Variants in MPDZ observed in about 807,000 individuals in gnomAD.
The protein encoded by MPDZ is multiple PDZ domain crumbs cell polarity complex component, also known as multiple PDZ domain protein.
Under a neutral mutation model 239.1 loss-of-function variants are expected in MPDZ, and 234 were observed. That is an observed-to-expected ratio of 0.98 (90% CI 0.88 to 1.09). The LOEUF is 1.09. Among genes scored for constraint, MPDZ ranks in the 50% least tolerant of loss-of-function variants. The probability of loss-of-function intolerance (pLI) is 0.00; values close to 1 mark genes in which losing one functional copy is unlikely to be tolerated. For synonymous variants in MPDZ, 1,048 were observed against 881.3 expected (o/e 1.19, Z -3.35); for missense variants, 3,175 against 2,510.0 (o/e 1.26, Z -5.66).
At chr9:13,151,105 A>C (rs1488571431) in intron 24 of MPDZ, among the ~76,000 whole-genome samples, 1 of 152,056 alleles carries the variant, frequency 6.6e-6, no homozygotes, top group Non-Finnish European at 1.5e-5. Flanking sequence ...GTAAGATACC[A>C]TCTCACATCC....
Position 13,276,353 on chromosome 9 carries a change from A to G in MPDZ, c.-58+3047T>C, listed in dbSNP as rs548321144. 5.3e-5 allele frequency among the ~76,000 whole-genome samples: 8 copies of G among 152,310 alleles called. No homozygotes were observed. In the East Asian group the frequency reaches 1.5e-3, roughly 29 times the overall value. Reference sequence around the variant, plus strand: ...CCCACTAAAATTATTTAATCACAGTATATCAATTTTACCATGCTAAATATC... The same window carrying G: ...CCCACTAAAATTATTTAATCACAGTGTATCAATTTTACCATGCTAAATATC... On this transcript the variant is annotated intron_variant, in intron 1 of 46. Coordinates refer to ENST00000319217, the MANE Select transcript of MPDZ (RefSeq NM_001378778.1).
At chr9:13,149,776 C>A (rs150404262) in intron 25 of MPDZ, among the ~76,000 whole-genome samples, 2 of 152,136 alleles carry the variant, frequency 1.3e-5, no homozygotes, top group East Asian at 3.9e-4. Flanking sequence ...AGAGATTACA[C>A]ACAACTTGAC....
At chr9:13,230,565 C>T (rs576018234) in intron 3 of MPDZ, among the ~76,000 whole-genome samples, 6 of 152,050 alleles carry the variant, frequency 3.9e-5, no homozygotes, top group African/African-American at 1.4e-4. Flanking sequence ...ATTCTTGAAA[C>T]GACAAAATTA....
rs764925139 is a variant in MPDZ at position 13,247,625 on chromosome 9, G to C, written c.183+10C>G. The C allele has an allele frequency of 6.2e-7, 1 of 1,602,354 alleles. No homozygotes were observed. Among genetic ancestry groups the C allele is most frequent in the Non-Finnish European group, 8.5e-7 (1 of 1,171,284 alleles). Reference sequence around the variant, plus strand: ...GTCGTGAATGCCTGCTTGGGTGAATGATGTCCTACCTGGTCTTTCAGCTGC... The same window carrying C: ...GTCGTGAATGCCTGCTTGGGTGAATCATGTCCTACCTGGTCTTTCAGCTGC... On this transcript the variant is annotated intron_variant, in intron 3 of 46. Transcript: ENST00000319217.
chr9:13,126,757 C>T lies in MPDZ; in HGVS notation c.4480G>A (p.Gly1494Ser), dbSNP rs750132506. 14 of 1,613,604 alleles carry T rather than the reference C, an allele frequency of 8.7e-6. No homozygotes were observed. Among genetic ancestry groups the T allele is most frequent in the Admixed American group, 1.7e-5 (1 of 59,982 alleles). ...LELPKDQGGLGIAISEEDTLS... is the reference protein window; with the variant it reads ...LELPKDQGGLSIAISEEDTLS... ...GTATCTTCTTCGCTGATAGCAATAC[C>T]CAAACCCCCCTGATCCTAGAAAAGT... Residue 1494 changes from glycine (G) to serine (S), a missense_variant, in exon 33 of 47, where the codon GGT (glycine) becomes AGT (serine). Gly to Ser is a moderately conservative substitution (Grantham distance 56). Transcript: ENST00000319217.
chr9:13,217,226 T>C lies in MPDZ; in HGVS notation c.1155A>G (p.Gln385=). Residue 385 remains glutamine, a synonymous_variant, in exon 9 of 47, where the codon CAA becomes CAG. Transcript: ENST00000319217. ...TFDVELTKNV[Q]GLGITIAGYI... ...AGCCAGCAATGGTAATTCCTAATCCTTGGACATTTTTAGTGAGTTCTACAT... is the reference window on the plus strand; with the variant it reads ...AGCCAGCAATGGTAATTCCTAATCCCTGGACATTTTTAGTGAGTTCTACAT... 1 of 1,604,146 alleles carries C rather than the reference T, an allele frequency of 6.2e-7. No individual in the cohort carries two copies. The highest frequency in any genetic ancestry group is 8.5e-7 in the Non-Finnish European group (1 of 1,175,380).
chr9:13,162,714 A>G lies in MPDZ; in HGVS notation c.3336T>C (p.Asp1112=), dbSNP rs1189817944. 4 of 1,609,726 alleles carry G rather than the reference A, an allele frequency of 2.5e-6. No homozygotes were observed. Residue 1112 remains aspartate (D), a synonymous_variant, in exon 23 of 47, where the codon GAT becomes GAC. Coordinates refer to ENST00000319217, the MANE Select transcript of MPDZ (RefSeq NM_001378778.1). ...ACCTGCCAGTGTATGAAGAAAAAAT[A>G]TCCAGTGCCATTACTCTTCCAGATT... ...GQQSGRVMAL[D]IFSSYTGRDI...
Position 13,162,726 on chromosome 9 carries a change from T to C in MPDZ, c.3324A>G (p.Val1108=), listed in dbSNP as rs374540866. The C allele has an allele frequency of 5.0e-6, 8 of 1,611,292 alleles. No homozygotes were observed. In the African/African-American group the frequency reaches 6.7e-5, roughly 13 times the overall value. Residue 1108 remains valine, a synonymous_variant, in exon 23 of 47, where the codon GTA becomes GTG. Coordinates refer to ENST00000319217, the MANE Select transcript of MPDZ (RefSeq NM_001378778.1). ...ATGAAGAAAAAATATCCAGTGCCAT[T>C]ACTCTTCCAGATTGTTGTCCCAAGC... is the stretch of plus-strand genomic sequence containing the variant. The part of the protein sequence containing the change: ...KISLGQQSGR[V]MALDIFSSYT...
At chr9:13,118,517 T>C (rs1943844423) in intron 39 of MPDZ, among the ~76,000 whole-genome samples, 1 of 152,202 alleles carries the variant, frequency 6.6e-6, no homozygotes, top group Non-Finnish European at 1.5e-5. Flanking sequence ...TGCTGAGCAC[T>C]GTCATGCAGG....
chr9:13,258,608 A>G (rs1327108711), intron 1 of MPDZ, among the ~76,000 whole-genome samples: 1 of 152,228 alleles, frequency 6.6e-6, no homozygotes, highest in East Asian at 1.9e-4. Context: ...GGGTAACATT[A>G]CTGAACTACA....
Position 13,176,275 on chromosome 9 carries a change from A to G in MPDZ, c.2792T>C (p.Ile931Thr). 1 of 1,610,342 alleles carries G rather than the reference A, an allele frequency of 6.2e-7. No homozygotes were observed. The highest frequency in any genetic ancestry group is 8.5e-7 in the Non-Finnish European group (1 of 1,178,046). ...AGCATTTGCAGGTGTGTAGTCATTT[A>G]TAGTAAAGCCAGAAGCAGGCCCCAT... is the stretch of plus-strand genomic sequence containing the variant. Reference protein sequence around the residue: ...ISMGPASGFTINDYTPANAIE... With the variant: ...ISMGPASGFTTNDYTPANAIE... Residue 931 changes from isoleucine (I) to threonine (T), a missense_variant, in exon 20 of 47, where the codon ATA (isoleucine) becomes ACA (threonine). Transcript: ENST00000319217.
Position 13,115,296 on chromosome 9 carries a change from G to A in MPDZ, c.5418C>T (p.Ile1806=). Residue 1806 remains isoleucine, a synonymous_variant, in exon 40 of 47, where the codon ATC becomes ATT. Coordinates refer to ENST00000319217, the MANE Select transcript of MPDZ (RefSeq NM_001378778.1). The part of the protein sequence containing the change: ...LGTVTLEVGR[I]KAGPFHSERR... ...TCTCTGAATGGAATGGACCAGCTTT[G>A]ATTCTTCCAACTTCCAAGGTTACTG... The A allele has an allele frequency of 2.5e-6, 4 of 1,612,718 alleles. No homozygotes were observed. The highest frequency in any genetic ancestry group is 3.4e-6 in the Non-Finnish European group (4 of 1,179,828).
chr9:13,174,519 G>T (rs954853180), intron 21 of MPDZ, among the ~76,000 whole-genome samples: 1 of 152,088 alleles, frequency 6.6e-6, no homozygotes, highest in Non-Finnish European at 1.5e-5. Context: ...ATGCACACTG[G>T]AGTATAAAAG....
chr9:13,239,988 T>G (rs536039451), intron 3 of MPDZ, among the ~76,000 whole-genome samples: 1 of 152,212 alleles, frequency 6.6e-6, no homozygotes, highest in East Asian at 1.9e-4. Context: ...GAGCAAAAAT[T>G]ATATTCTTAT....
At chr9:13,120,184 T>C (rs542423542) in intron 38 of MPDZ, 1 of 153,176 alleles carries the variant, frequency 6.5e-6, no homozygotes, top group African/African-American at 2.4e-5. Context: ...TTACACATCT[T>C]CCACACGAGA....
chr9:13,125,226 C>T lies in MPDZ; in HGVS notation c.4797G>A (p.Glu1599=). The part of the protein sequence containing the change: ...MVPQSGSPEP[E]SIRNTSRSST... ...GTCCAGAGGCCTTACTTCGGATGGA[C>T]TCCGGTTCTGGGGAGCCAGACTGTG... Residue 1599 remains glutamate (E), a synonymous_variant, in exon 35 of 47, where the codon GAG becomes GAA. Coordinates refer to ENST00000319217, the MANE Select transcript of MPDZ (RefSeq NM_001378778.1). 6.3e-7 allele frequency: 1 copy of T among 1,598,028 alleles called. No individual in the cohort carries two copies. The highest frequency in any genetic ancestry group is 8.5e-7 in the Non-Finnish European group (1 of 1,169,976).
chr9:13,203,406 T>A (rs1956618837), intron 12 of MPDZ, among the ~76,000 whole-genome samples: 1 of 152,040 alleles, frequency 6.6e-6, no homozygotes, highest in South Asian at 2.1e-4. Context: ...ATAAAAACAG[T>A]CTGCAATTCA....
At chr9:13,126,812 C>G in intron 32 of MPDZ, 40 bp from the exon 33 acceptor site, 2 of 1,539,580 alleles carry the variant, frequency 1.3e-6, no homozygotes, top group Non-Finnish European at 1.8e-6. Flanking sequence ...AGACTTGAAA[C>G]AGATTAATTT....
intron 1 of MPDZ, among the ~76,000 whole-genome samples, chr9:13,270,015 G>C (rs1008178456): frequency 2.6e-5 from 4 of 152,106 alleles, no homozygotes; most frequent in African/African-American, 4.8e-5. Context: ...AATTCTATAG[G>C]ATTCATTGGG....
Sources: gnomAD v4.1 joint callset for allele counts (sites outside exome capture counted in the v4.1 genomes callset) on GRCh38, gnomAD v4.1.1 for gene constraint, MANE v1.5 for transcripts, NCBI Gene and HGNC (gene_info 2026-07-23, HGNC 2026-07-21) for gene names.